The following KATNIP variants were observed in gnomAD, a reference collection of about 807,000 sequenced individuals.
KATNIP encodes katanin interacting protein.
KATNIP carries 126 observed loss-of-function variants against 174.0 expected under a neutral mutation model. The observed-to-expected ratio is 0.72, with a 90% confidence interval of 0.63 to 0.84. KATNIP has a LOEUF of 0.84. Ranked by LOEUF, KATNIP falls within the 40% of genes least tolerant of loss-of-function variation. The pLI, the probability that KATNIP is intolerant of heterozygous loss-of-function variation, is 0.00. For missense variants in KATNIP, 1,958 were observed against 2,109.7 expected, an observed-to-expected ratio of 0.93 and a Z score of 1.41; for synonymous variants, 810 against 835.7, an observed-to-expected ratio of 0.97 and a Z score of 0.53.
At chr16:27,687,587 C>T (rs1158921985) in intron 8 of KATNIP, 2 of 152,210 alleles carry the variant, frequency 1.3e-5, no homozygotes, top group African/African-American at 4.8e-5. Flanking sequence ...CTCATGTCCT[C>T]TATTGCTCCA....
intron 12 of KATNIP, 87 bp from the exon 13 acceptor site, chr16:27,708,617 AC>A: frequency 2.0e-6 from 2 of 1,012,778 alleles, no homozygotes; most frequent in Non-Finnish European, 3.0e-6. Flanking sequence ...AGGTTAACTA[AC>A]TTTTTGAAGG....
intron 8 of KATNIP, among the ~76,000 whole-genome samples, chr16:27,691,550 G>T (rs1377334384): frequency 1.3e-5 from 2 of 152,194 alleles, no homozygotes; most frequent in Non-Finnish European, 2.9e-5. Flanking sequence ...TTAAAAGGTG[G>T]TTACCTCGTG....
At chr16:27,717,920 C>A (rs1004114380) in intron 13 of KATNIP, among the ~76,000 whole-genome samples, 3 of 152,150 alleles carry the variant, frequency 2.0e-5, no homozygotes, top group African/African-American at 7.2e-5. Flanking sequence ...TCCCAGATTC[C>A]CTGGGGGGAT....
intron 14 of KATNIP, among the ~76,000 whole-genome samples, chr16:27,726,840 C>CT (rs1164036174): frequency 6.6e-6 from 1 of 152,170 alleles, no homozygotes; most frequent in Non-Finnish European, 1.5e-5. Flanking sequence ...AGTTTGAGGA[C>CT]TGTGGTTTCG....
Position 27,708,708 on chromosome 16 carries a change from A to G in KATNIP, c.1393A>G (p.Lys465Glu), listed in dbSNP as rs949556669. The change falls in exon 13 of 28, where the codon AAA becomes GAA. Residue 465 changes from lysine (K) to glutamate (E), a missense_variant. By Grantham distance (56) the Lys-to-Glu change is moderately conservative. Coordinates refer to ENST00000261588, the MANE Select transcript of KATNIP (RefSeq NM_015202.5). ...TGTTATTTTTCTCTTCTTTAAGGACAAACAGAGAATGAGGGCAGACGAGAT... is the reference window on the plus strand; with the variant it reads ...TGTTATTTTTCTCTTCTTTAAGGACGAACAGAGAATGAGGGCAGACGAGAT... ...TKEQVSDTED[K>E]QRMRADEIKD... The G allele has an allele frequency of 1.9e-6, 3 of 1,609,982 alleles. No homozygotes were observed. The highest frequency in any genetic ancestry group is 2.2e-5 in the East Asian group (1 of 44,760).
intron 14 of KATNIP, among the ~76,000 whole-genome samples, chr16:27,734,813 G>T (rs138261874): frequency 1.3e-5 from 2 of 152,336 alleles, no homozygotes; most frequent in Non-Finnish European, 2.9e-5. Context: ...AATCTAGCTT[G>T]ACCCACAGAA....
intron 12 of KATNIP, among the ~76,000 whole-genome samples, chr16:27,707,120 T>C (rs1001580151): frequency 3.3e-5 from 5 of 152,134 alleles, no homozygotes; most frequent in African/African-American, 1.2e-4. Flanking sequence ...AAACACACAC[T>C]GAGAGCAATA....
intron 2 of KATNIP, among the ~76,000 whole-genome samples, chr16:27,611,103 A>G (rs768431756): frequency 6.6e-6 from 1 of 152,194 alleles, no homozygotes; most frequent in Non-Finnish European, 1.5e-5. Flanking sequence ...AGGCTGCATC[A>G]TGGGTGCACG....
rs1345455440 is a variant in KATNIP, at chr16:27,776,460, C to T, written c.4450-468C>T. On this transcript the variant is annotated intron_variant, in intron 24 of 27. Transcript: ENST00000261588. This position sits in a 1 kb window ranked among gnomAD's most constrained non-coding sequence, Gnocchi z 4.7. ...CCCCAGCGGAGGTTCACAGACACGC[C>T]CTGGACATTGTCCAGCAGCACCTTG... is the stretch of plus-strand genomic sequence containing the variant. Among the ~76,000 whole-genome samples, 1 of 152,162 alleles carries T rather than the reference C, an allele frequency of 6.6e-6. No individual in the cohort carries two copies. Among genetic ancestry groups the T allele is most frequent in the African/African-American group, 2.4e-5 (1 of 41,428 alleles).
At chr16:27,553,942 T>C (rs1448676542) in intron 1 of KATNIP, among the ~76,000 whole-genome samples, 1 of 139,746 alleles carries the variant, frequency 7.2e-6, no homozygotes, top group African/African-American at 2.7e-5. Context: ...CAAAAAGACC[T>C]TGTCTAGAGA....
intron 1 of KATNIP, among the ~76,000 whole-genome samples, chr16:27,572,288 A>G (rs186172922): frequency 2.9e-4 from 44 of 151,064 alleles, no homozygotes; most frequent in Admixed American, 3.3e-4. Context: ...AACACCCTGT[A>G]TTACAGTGGT....
At chr16:27,635,870 C>G (rs2076619904) in intron 5 of KATNIP, among the ~76,000 whole-genome samples, 3 of 152,112 alleles carry the variant, frequency 2.0e-5, no homozygotes, top group African/African-American at 4.8e-5. Flanking sequence ...AAAAATATAT[C>G]TAGCCAGGTG....
rs147154718 is a variant in KATNIP, at chr16:27,604,038, C to A, written c.64-14387C>A. Among the ~76,000 whole-genome samples, 19 of 152,186 alleles carry A rather than the reference C, an allele frequency of 1.2e-4. No homozygotes were observed. In the East Asian group the frequency reaches 3.7e-3, roughly 29 times the overall value. ...AAGTGTGAGCCACTGTGCCTGGCCGCCCTTCCCACTTTCTATTCTCCATAG... is the reference window on the plus strand; with the variant it reads ...AAGTGTGAGCCACTGTGCCTGGCCGACCTTCCCACTTTCTATTCTCCATAG... On this transcript the variant is annotated intron_variant, in intron 2 of 27. Transcript: ENST00000261588.
At chr16:27,586,730 G>A (rs538003112) in intron 2 of KATNIP, among the ~76,000 whole-genome samples, 49 of 151,510 alleles carry the variant, frequency 3.2e-4, no homozygotes, top group Non-Finnish European at 5.7e-4. Context: ...TTGGGAGGCC[G>A]AGGTCGGAGG....
intron 2 of KATNIP, among the ~76,000 whole-genome samples, chr16:27,599,809 C>G (rs1596865450): frequency 6.6e-6 from 1 of 152,322 alleles, no homozygotes; most frequent in Non-Finnish European, 1.5e-5. Flanking sequence ...CGTGGGCACG[C>G]GGTGTTTGTG....
chr16:27,562,732 G>T (rs531616808), intron 1 of KATNIP, among the ~76,000 whole-genome samples: 1 of 152,342 alleles, frequency 6.6e-6, no homozygotes, highest in African/African-American at 2.4e-5. Flanking sequence ...ATATATTTCA[G>T]CCTGGGAAGC....
At chr16:27,775,649 G>T (rs372533097) in intron 24 of KATNIP, among the ~76,000 whole-genome samples, 57 of 152,344 alleles carry the variant, frequency 3.7e-4, no homozygotes, top group African/African-American at 1.4e-3. Flanking sequence ...AGAAGACGTG[G>T]TTGGTTGTGG....
intron 3 of KATNIP, among the ~76,000 whole-genome samples, chr16:27,624,141 C>T (rs1261686852): frequency 6.6e-6 from 1 of 152,064 alleles, no homozygotes; most frequent in African/African-American, 2.4e-5. Flanking sequence ...TGGATCTTCT[C>T]CTGGGGCTGC....
chr16:27,663,375 G>GC (rs1262757523), intron 6 of KATNIP, among the ~76,000 whole-genome samples: 1 of 150,602 alleles, frequency 6.6e-6, no homozygotes, highest in African/African-American at 2.4e-5. Flanking sequence ...TATTTACTCT[G>GC]CAAATTTTAC....
Sources: allele counts gnomAD v4.1 joint callset (sites outside exome capture counted in the v4.1 genomes callset), GRCh38; gene constraint gnomAD v4.1.1; non-coding constraint Gnocchi (gnomAD v3.1); transcripts MANE v1.5; gene names NCBI Gene and HGNC (gene_info 2026-07-23, HGNC 2026-07-21).